SPTBN1: variants seen among roughly 807,000 people sequenced by gnomAD.
SPTBN1 encodes the protein spectrin beta, non-erythrocytic 1, also known as spectrin beta chain, non-erythrocytic 1.
Under a neutral mutation model 266.4 loss-of-function variants are expected in SPTBN1, and 32 were observed. That is an observed-to-expected ratio of 0.12 (90% CI 0.09 to 0.16). The LOEUF is 0.16. SPTBN1 is among the 10% of genes least tolerant of loss of function. The probability of loss-of-function intolerance (pLI) is 1.00; values close to 1 mark genes in which losing one functional copy is unlikely to be tolerated. For synonymous variants in SPTBN1, 1,336 were observed against 1,162.2 expected, an observed-to-expected ratio of 1.15 and a Z score of -3.04; for missense variants, 2,296 against 3,067.1, an observed-to-expected ratio of 0.75 and a Z score of 5.94.
At chr2:54,573,857 G>A (rs574177506) in intron 2 of SPTBN1, among the ~76,000 whole-genome samples, 19 of 152,218 alleles carry the variant, frequency 1.2e-4, no homozygotes, top group South Asian at 4.1e-4. Context: ...ACAGGAAAAC[G>A]GATCCTGTTT....
chr2:54,515,015 C>T lies in SPTBN1; in HGVS notation c.-47-11357C>T, dbSNP rs78049872. Among the ~76,000 whole-genome samples the T allele has an allele frequency of 2.0e-3, 298 of 152,280 alleles. 9 individuals carry two copies. The East Asian group carries it at 0.055, about 28-fold the overall frequency. The stretch of plus-strand genomic sequence containing the variant: ...TGCTGGAGGCTGCAAGATTCTAAAC[C>T]TCCCCAAATGGTTCCTGGGAATAAC... On this transcript the variant is annotated intron_variant, in intron 1 of 35. Transcript: ENST00000356805.
intron 3 of SPTBN1, among the ~76,000 whole-genome samples, chr2:54,606,930 A>G (rs1676882431): frequency 6.6e-6 from 1 of 152,200 alleles, no homozygotes; most frequent in South Asian, 2.1e-4. Flanking sequence ...GCCCACCCGT[A>G]TTTTATATCT....
intron 3 of SPTBN1, among the ~76,000 whole-genome samples, chr2:54,602,716 A>AGTGTGTGTGTGCGTGCAT (rs1553338932): frequency 3.3e-5 from 5 of 152,032 alleles, no homozygotes; most frequent in Non-Finnish European, 7.4e-5. Flanking sequence ...AACAGAAAAG[A>AGTGTGTGTGTGCGTGCAT]GTGTGTGTGT....
In SPTBN1 at chr2:54,623,615, C is replaced by T. The variant is rs1199707200; in HGVS notation, c.1182+19C>T. ...CAACAAGGTAAAGTGGATCTGGACTCTGCATGGGCCCTGACCTCCTGGAGG... is the reference window on the plus strand; with the variant it reads ...CAACAAGGTAAAGTGGATCTGGACTTTGCATGGGCCCTGACCTCCTGGAGG... On this transcript the variant is annotated intron_variant, in intron 10 of 35. Transcript: ENST00000356805. 1.9e-6 allele frequency: 3 copies of T among 1,595,120 alleles called. No individual in the cohort carries two copies. Among genetic ancestry groups the T allele is most frequent in the Admixed American group, 1.7e-5 (1 of 59,160 alleles).
At chr2:54,573,483 T>C (rs904382842) in intron 2 of SPTBN1, among the ~76,000 whole-genome samples, 18 of 152,206 alleles carry the variant, frequency 1.2e-4, no homozygotes, top group Non-Finnish European at 2.9e-5. Context: ...CACCTCCTGC[T>C]GTGTGGCCGG....
chr2:54,464,235 C>G (rs182204625), intron 1 of SPTBN1, among the ~76,000 whole-genome samples: 1 of 152,114 alleles, frequency 6.6e-6, no homozygotes, highest in East Asian at 1.9e-4. Context: ...AGTTTTTAAA[C>G]AAGGATTTTC....
At chr2:54,493,108 G>A (rs577819638) in intron 1 of SPTBN1, among the ~76,000 whole-genome samples, 6 of 149,470 alleles carry the variant, frequency 4.0e-5, no homozygotes, top group Admixed American at 4.0e-4. Flanking sequence ...TGGGTTCAAG[G>A]GATTCTCCCA....
chr2:54,457,223 C>G (rs1167128161), intron 1 of SPTBN1: 2 of 149,310 alleles, frequency 1.3e-5, no homozygotes, highest in African/African-American at 4.9e-5. Context: ...GGGCGCCGAG[C>G]CGCCGCTGCG....
chr2:54,554,868 C>G lies in SPTBN1; in HGVS notation c.148+28302C>G, dbSNP rs1306018304. On this transcript the variant is annotated intron_variant, in intron 2 of 35. Transcript: ENST00000356805. This position sits in a 1 kb window ranked among gnomAD's most constrained non-coding sequence, Gnocchi z 4.5. ...GGGCCCTGCCTTGGAACATCTTCCC[C>G]TGAGTCTGATAACCCTCATTCACTA... Among the ~76,000 whole-genome samples, 1 of 152,204 alleles carries G rather than the reference C, an allele frequency of 6.6e-6. No individual in the cohort carries two copies. The highest frequency in any genetic ancestry group is 2.1e-4 in the South Asian group (1 of 4,832).
chr2:54,579,522 A>G (rs1368635809), intron 2 of SPTBN1, among the ~76,000 whole-genome samples: 3 of 152,340 alleles, frequency 2.0e-5, no homozygotes, highest in East Asian at 1.9e-4. Context: ...CACGTGCTAT[A>G]TAGCTCTCTT....
intron 2 of SPTBN1, among the ~76,000 whole-genome samples, chr2:54,590,342 A>C (rs1202794156): frequency 3.3e-5 from 5 of 152,242 alleles, no homozygotes; most frequent in African/African-American, 4.8e-5. Context: ...CAACAATTTC[A>C]GTGAGACCAC....
intron 1 of SPTBN1, among the ~76,000 whole-genome samples, chr2:54,503,282 C>T (rs1669369146): frequency 6.6e-6 from 1 of 152,228 alleles, no homozygotes; most frequent in South Asian, 2.1e-4. Flanking sequence ...TCTTTCAGCA[C>T]ACTATGTCAG....
chr2:54,486,848 C>T (rs1349397494), intron 1 of SPTBN1, among the ~76,000 whole-genome samples: 2 of 151,996 alleles, frequency 1.3e-5, no homozygotes, highest in Non-Finnish European at 2.9e-5. Flanking sequence ...CAGGAGGAGG[C>T]CAGGTGTGGT....
intron 17 of SPTBN1, among the ~76,000 whole-genome samples, chr2:54,633,423 G>A (rs952172231): frequency 8.8e-5 from 12 of 135,598 alleles, no homozygotes; most frequent in African/African-American, 3.0e-4. Flanking sequence ...GTGTGTGTGT[G>A]TGCGTGTGTG....
rs1293986506 is a variant in SPTBN1 at position 54,669,423 on chromosome 2, CTG to C, written c.*858_*859del. On this transcript the variant is annotated 3_prime_UTR_variant, in exon 36 of 36. Transcript: ENST00000356805. Reference sequence around the variant, plus strand: ...GGTTACTTGCTCGTGCGTTGCCACACTGTGTTATAATTTGCTTCATTTCCTTG... The same window carrying C: ...GGTTACTTGCTCGTGCGTTGCCACACTGTTATAATTTGCTTCATTTCCTTG... 4.6e-5 allele frequency: 7 copies of C among 152,758 alleles called. No homozygotes were observed. In the East Asian group the frequency reaches 5.8e-4, roughly 13 times the overall value. 9.5% of individuals were successfully genotyped at this position (152,758 alleles called of 1,614,324 possible).
chr2:54,571,546 TACACACACACAC>T lies in SPTBN1; in HGVS notation c.149-27528_149-27517del, dbSNP rs71408769. Among the ~76,000 whole-genome samples the T allele has an allele frequency of 1.1e-4, 15 of 134,516 alleles. No homozygotes were observed. The East Asian group carries it at 1.6e-3, about 15-fold the overall frequency. The allele number at this position is 134,516 out of a possible 152,430, so 88.2% of individuals were successfully genotyped here. The stretch of plus-strand genomic sequence containing the variant: ...CCTATTACTGTTCCCTAATTGTATG[TACACACACACAC>T]ACACACACACACACACATACACACA... On this transcript the variant is annotated intron_variant, in intron 2 of 35. Transcript: ENST00000356805.
chr2:54,645,509 A>G lies in SPTBN1; in HGVS notation c.4494+56A>G. On this transcript the variant is annotated intron_variant, in intron 21 of 35. Coordinates refer to ENST00000356805, the MANE Select transcript of SPTBN1 (RefSeq NM_003128.3). The surrounding 1 kb of genome is among the most constrained non-coding windows in gnomAD (Gnocchi z 4.3). ...TTCCACGAGCCCCCTTGCCTGTGCT[A>G]AAGCCCACATTCTCACTTCTCAGTC... is the stretch of plus-strand genomic sequence containing the variant. 2 of 1,565,646 alleles carry G rather than the reference A, an allele frequency of 1.3e-6. No homozygotes were observed. The highest frequency in any genetic ancestry group is 1.2e-5 in the South Asian group (1 of 86,660).
chr2:54,632,077 TAAAAAAAAAAA>T (rs34563622), intron 16 of SPTBN1, among the ~76,000 whole-genome samples: 2 of 120,856 alleles, frequency 1.7e-5, no homozygotes, highest in African/African-American at 6.3e-5. Context: ...CCCTGTCTCT[TAAAAAAAAAAA>T]AAAAAAAAAA....
chr2:54,605,454 G>A (rs754251122), intron 3 of SPTBN1, among the ~76,000 whole-genome samples: 1 of 152,170 alleles, frequency 6.6e-6, no homozygotes, highest in Admixed American at 6.5e-5. Context: ...TATAATGCAG[G>A]GTTACTGTGA....
Sources: allele counts gnomAD v4.1 joint callset (sites outside exome capture counted in the v4.1 genomes callset), GRCh38; gene constraint gnomAD v4.1.1; non-coding constraint Gnocchi (gnomAD v3.1); transcripts MANE v1.5; gene names NCBI Gene and HGNC (gene_info 2026-07-23, HGNC 2026-07-21).